The following ATXN1 variants were observed in gnomAD, a reference collection of about 807,000 sequenced individuals.
ATXN1 encodes the protein ataxin-1.
Under a neutral mutation model 56.4 loss-of-function variants are expected in ATXN1, and 8 were observed. The ratio of observed to expected loss-of-function variants is 0.14; its 90% CI spans 0.08 to 0.26. The LOEUF is 0.26. Among genes scored for constraint, ATXN1 ranks in the 10% least tolerant of loss-of-function variants. ATXN1 has a pLI of 1.00. For synonymous variants in ATXN1, 514 were observed against 494.6 expected (o/e 1.04, Z -0.52); for missense variants, 987 against 1,106.5 (o/e 0.89, Z 1.53).
chr6:16,319,673 G>A (rs1760599367), intron 7 of ATXN1, among the ~76,000 whole-genome samples: 2 of 152,120 alleles, frequency 1.3e-5, no homozygotes, highest in African/African-American at 2.4e-5. Context: ...TAATAACAGG[G>A]AAAACTGTTA....
intron 4 of ATXN1, among the ~76,000 whole-genome samples, chr6:16,559,400 G>T (rs1162517117): frequency 1.3e-5 from 2 of 151,872 alleles, no homozygotes; most frequent in Non-Finnish European, 2.9e-5. Context: ...CATCAATGTG[G>T]GACTGAATAC....
intron 2 of ATXN1, among the ~76,000 whole-genome samples, chr6:16,740,208 G>A (rs1354181131): frequency 6.6e-6 from 1 of 152,188 alleles, no homozygotes; most frequent in African/African-American, 2.4e-5. Context: ...AATAGTTATT[G>A]CTTCTGGCAC....
chr6:16,471,072 T>G (rs2113638913), intron 6 of ATXN1, among the ~76,000 whole-genome samples: 1 of 152,188 alleles, frequency 6.6e-6, no homozygotes, highest in Non-Finnish European at 1.5e-5. Context: ...GGAAACAAAC[T>G]GCGCCTACTT....
intron 2 of ATXN1, among the ~76,000 whole-genome samples, chr6:16,664,061 C>G (rs1392669978): frequency 1.3e-5 from 2 of 152,180 alleles, no homozygotes; most frequent in Non-Finnish European, 2.9e-5. Flanking sequence ...AAATACCAAA[C>G]AGTAGTAACA....
At chr6:16,386,739 T>C (rs891591824) in intron 6 of ATXN1, among the ~76,000 whole-genome samples, 1 of 152,168 alleles carries the variant, frequency 6.6e-6, no homozygotes, top group African/African-American at 2.4e-5. Flanking sequence ...GACTAAAAGA[T>C]GTACATAGAG....
chr6:16,406,892 C>T (rs527715853), intron 6 of ATXN1, among the ~76,000 whole-genome samples: 25 of 152,162 alleles, frequency 1.6e-4, no homozygotes, highest in Non-Finnish European at 2.6e-4. Context: ...AGGGTGGACG[C>T]GTCAGGTTAT....
At chr6:16,620,178 G>A in intron 3 of ATXN1, among the ~76,000 whole-genome samples, 1 of 151,820 alleles carries the variant, frequency 6.6e-6, no homozygotes, top group South Asian at 2.1e-4. Context: ...CTATGCTAGA[G>A]GAAAAGCAGT....
At chr6:16,759,904 G>A (rs980034473) in intron 1 of ATXN1, among the ~76,000 whole-genome samples, 1 of 152,094 alleles carries the variant, frequency 6.6e-6, no homozygotes, top group Non-Finnish European at 1.5e-5. Flanking sequence ...AAGAGGGGTC[G>A]GGGCGCTGCA....
intron 6 of ATXN1, among the ~76,000 whole-genome samples, chr6:16,346,333 G>T (rs576650885): frequency 6.6e-6 from 1 of 152,104 alleles, no homozygotes; most frequent in Non-Finnish European, 1.5e-5. Flanking sequence ...GTGAGCCACC[G>T]CTTGGGATTA....
chr6:16,527,427 T>G (rs1009546216), intron 4 of ATXN1, among the ~76,000 whole-genome samples: 1 of 151,960 alleles, frequency 6.6e-6, no homozygotes, highest in African/African-American at 2.4e-5. Flanking sequence ...AAAGAACACA[T>G]AGCAGCAGCA....
rs375853740 is a variant in ATXN1, at chr6:16,655,357, CA to C, written c.-489+2418del. 1.3e-4 allele frequency among the ~76,000 whole-genome samples: 20 copies of C among 152,102 alleles called. No homozygotes were observed. The East Asian group carries it at 3.9e-3, about 29-fold the overall frequency. ...ACAACATAGCGAGACCTCGTATCTACAAAAAAATGGAAAAATTAGCCAGGCA... is the reference window on the plus strand; with the variant it reads ...ACAACATAGCGAGACCTCGTATCTACAAAAAATGGAAAAATTAGCCAGGCA... On this transcript the variant is annotated intron_variant, in intron 3 of 7. Transcript: ENST00000436367.
intron 2 of ATXN1, among the ~76,000 whole-genome samples, chr6:16,695,939 G>A (rs937342108): frequency 6.6e-6 from 1 of 151,800 alleles, no homozygotes; most frequent in Admixed American, 6.6e-5. Context: ...CCTCTGGCCT[G>A]GGCAACAGAG....
chr6:16,330,369 A>AT (rs1462083468), intron 6 of ATXN1, among the ~76,000 whole-genome samples: 1 of 136,416 alleles, frequency 7.3e-6, no homozygotes, highest in Non-Finnish European at 1.6e-5. Flanking sequence ...GGGGGCAATG[A>AT]TTTTTTTCCT....
At chr6:16,333,240 A>C (rs1425045639) in intron 6 of ATXN1, among the ~76,000 whole-genome samples, 2 of 152,222 alleles carry the variant, frequency 1.3e-5, no homozygotes, top group Non-Finnish European at 2.9e-5. Flanking sequence ...ATACTTTAAA[A>C]AGGCTATTAT....
intron 4 of ATXN1, among the ~76,000 whole-genome samples, chr6:16,531,972 A>T (rs1362430997): frequency 1.3e-5 from 2 of 152,224 alleles, no homozygotes; most frequent in Admixed American, 1.3e-4. Context: ...TTTTTCTATA[A>T]AGGACCAGGG....
At chr6:16,480,154 C>A (rs1469014838) in intron 6 of ATXN1, among the ~76,000 whole-genome samples, 154 of 79,108 alleles carry the variant, frequency 1.9e-3, no homozygotes, top group Non-Finnish European at 2.0e-3. Context: ...ACTTCATCTG[C>A]AAAAAAAAAA....
chr6:16,575,083 A>G (rs756769119), intron 4 of ATXN1, among the ~76,000 whole-genome samples: 1 of 152,188 alleles, frequency 6.6e-6, no homozygotes, highest in Non-Finnish European at 1.5e-5. Context: ...CACGATGTCA[A>G]TATGTATCAC....
chr6:16,316,865 C>CTTTT lies in ATXN1; in HGVS notation c.1917+9525_1917+9528dup, dbSNP rs375359789. ...AGGGGGCAATAGAGAGACTGCCTGTCTTTTTTTTTTTTTTTTTTTTTTTTT... is the reference window on the plus strand; with the variant it reads ...AGGGGGCAATAGAGAGACTGCCTGTCTTTTTTTTTTTTTTTTTTTTTTTTTTTTT... On this transcript the variant is annotated intron_variant, in intron 7 of 7. Coordinates refer to ENST00000436367, the MANE Select transcript of ATXN1 (RefSeq NM_001128164.2). 1.2e-3 allele frequency among the ~76,000 whole-genome samples: 123 copies of CTTTT among 99,442 alleles called. 16 individuals carry two copies. Among genetic ancestry groups the CTTTT allele is most frequent in the African/African-American group, 5.9e-3 (115 of 19,608 alleles). 65.2% of individuals were successfully genotyped at this position (99,442 alleles called of 152,430 possible). A position where few individuals can be genotyped will look rare whatever the true frequency, so the allele number is the denominator to read the frequency against.
At chr6:16,452,576 T>C (rs1759774805) in intron 6 of ATXN1, among the ~76,000 whole-genome samples, 1 of 152,208 alleles carries the variant, frequency 6.6e-6, no homozygotes, top group Non-Finnish European at 1.5e-5. Context: ...AGCATTCCAA[T>C]GAAAGGGTAA....
Sources: gnomAD v4.1 joint callset for allele counts (sites outside exome capture counted in the v4.1 genomes callset) on GRCh38, gnomAD v4.1.1 for gene constraint, MANE v1.5 for transcripts, NCBI Gene and HGNC (gene_info 2026-07-23, HGNC 2026-07-21) for gene names.